The following LRMDA variants were observed in gnomAD, a reference collection of about 807,000 sequenced individuals.
The protein encoded by LRMDA is leucine-rich melanocyte differentiation-associated protein.
Under a neutral mutation model 29.8 loss-of-function variants are expected in LRMDA, and 18 were observed. That is an observed-to-expected ratio of 0.60 (90% confidence interval 0.42 to 0.90). The LOEUF is 0.90. LRMDA is among the 40% of genes least tolerant of loss of function. LRMDA has a pLI of 0.00. For synonymous variants in LRMDA, 125 were observed against 109.4 expected (o/e 1.14, Z -0.89); for missense variants, 273 against 273.9 (o/e 1.00, Z 0.02).
At chr10:75,535,320 C>G (rs1330301136) in intron 2 of LRMDA, among the ~76,000 whole-genome samples, 1 of 152,098 alleles carries the variant, frequency 6.6e-6, no homozygotes, top group Non-Finnish European at 1.5e-5. Context: ...TTCTAATTTC[C>G]TCCCTAGAAT....
At chr10:76,395,824 G>C (rs1020143408) in intron 6 of LRMDA, among the ~76,000 whole-genome samples, 1 of 152,194 alleles carries the variant, frequency 6.6e-6, no homozygotes, top group Non-Finnish European at 1.5e-5. Flanking sequence ...AGAAATAATT[G>C]TATTTCTAAA....
chr10:76,369,191 T>C (rs1232809716), intron 6 of LRMDA, among the ~76,000 whole-genome samples: 1 of 152,194 alleles, frequency 6.6e-6, no homozygotes, highest in Non-Finnish European at 1.5e-5. Flanking sequence ...TTTTAACTTG[T>C]ATTTTTGTTT....
chr10:75,675,228 T>C (rs1302110077), intron 2 of LRMDA, among the ~76,000 whole-genome samples: 1 of 152,212 alleles, frequency 6.6e-6, no homozygotes, highest in Non-Finnish European at 1.5e-5. Context: ...TACTCAACAC[T>C]GGGAGTGGTA....
At chr10:75,821,573 T>G (rs761248911) in intron 2 of LRMDA, among the ~76,000 whole-genome samples, 2 of 151,998 alleles carry the variant, frequency 1.3e-5, no homozygotes, top group Non-Finnish European at 2.9e-5. Flanking sequence ...ATTGAGACCA[T>G]CCTGGCTAAC....
intron 2 of LRMDA, among the ~76,000 whole-genome samples, chr10:75,570,702 C>A (rs1840427913): frequency 6.6e-6 from 1 of 152,184 alleles, no homozygotes; most frequent in South Asian, 2.1e-4. Flanking sequence ...AATGTATACG[C>A]TCTTTTTCCC....
intron 5 of LRMDA, among the ~76,000 whole-genome samples, chr10:76,216,956 T>A (rs1851739467): frequency 6.6e-6 from 1 of 152,208 alleles, no homozygotes; most frequent in Admixed American, 6.5e-5. Flanking sequence ...AAGTGGCATA[T>A]GACAATATTG....
At chr10:76,427,122 T>C (rs1842135983) in intron 6 of LRMDA, among the ~76,000 whole-genome samples, 2 of 152,158 alleles carry the variant, frequency 1.3e-5, no homozygotes, top group Admixed American at 1.3e-4. Flanking sequence ...TTAAAGTAGT[T>C]TTTTCCAATT....
chr10:76,071,941 A>G (rs931599852), intron 5 of LRMDA, among the ~76,000 whole-genome samples: 4 of 152,250 alleles, frequency 2.6e-5, no homozygotes, highest in African/African-American at 7.2e-5. Context: ...TTAAGTTTTA[A>G]ATATGATATG....
At chr10:76,514,661 G>A (rs1461441124) in intron 6 of LRMDA, among the ~76,000 whole-genome samples, 1 of 152,122 alleles carries the variant, frequency 6.6e-6, no homozygotes, top group African/African-American at 2.4e-5. Flanking sequence ...GCCAAGCGAG[G>A]GAGCACACTG....
intron 6 of LRMDA, among the ~76,000 whole-genome samples, chr10:76,447,222 T>C (rs1422973482): frequency 6.6e-6 from 1 of 152,142 alleles, no homozygotes; most frequent in Non-Finnish European, 1.5e-5. Context: ...AGTTTCTATA[T>C]TGATTATTTT....
intron 2 of LRMDA, among the ~76,000 whole-genome samples, chr10:76,003,005 C>T (rs565623359): frequency 3.3e-5 from 5 of 152,230 alleles, no homozygotes; most frequent in African/African-American, 7.2e-5. Flanking sequence ...AAAACACAAA[C>T]GGAAATGATG....
At chr10:75,703,489 T>C (rs983618216) in intron 2 of LRMDA, among the ~76,000 whole-genome samples, 18 of 152,348 alleles carry the variant, frequency 1.2e-4, no homozygotes, top group African/African-American at 4.3e-4. Context: ...GTGAGGAGGT[T>C]AAAATGAGAA....
chr10:75,885,293 C>T (rs1350309150), intron 2 of LRMDA, among the ~76,000 whole-genome samples: 1 of 152,234 alleles, frequency 6.6e-6, no homozygotes, highest in Non-Finnish European at 1.5e-5. Flanking sequence ...AGGCCCCCTT[C>T]CTGAATGTGC....
At chr10:76,113,282 C>T (rs1332405283) in intron 5 of LRMDA, among the ~76,000 whole-genome samples, 2 of 151,944 alleles carry the variant, frequency 1.3e-5, no homozygotes, top group African/African-American at 4.8e-5. Context: ...TGGGTCTTCT[C>T]TGTTATTAGA....
At chr10:76,047,519 C>G (rs1359998605) in intron 4 of LRMDA, among the ~76,000 whole-genome samples, 1 of 152,154 alleles carries the variant, frequency 6.6e-6, no homozygotes, top group Non-Finnish European at 1.5e-5. Context: ...GCCTTTTCTA[C>G]TTTTTTTGTG....
intron 2 of LRMDA, among the ~76,000 whole-genome samples, chr10:75,543,110 A>G (rs1366901278): frequency 2.6e-5 from 4 of 152,166 alleles, no homozygotes; most frequent in Non-Finnish European, 5.9e-5. Flanking sequence ...CTTCCCTGGT[A>G]ATTGCAAGCA....
At chr10:75,483,338 A>G (rs1299333183) in intron 2 of LRMDA, among the ~76,000 whole-genome samples, 3 of 152,246 alleles carry the variant, frequency 2.0e-5, no homozygotes, top group African/African-American at 7.2e-5. Flanking sequence ...TCTACATTAG[A>G]AACAGAGATC....
intron 5 of LRMDA, among the ~76,000 whole-genome samples, chr10:76,235,613 TCTC>T (rs1260180515): frequency 8.5e-5 from 13 of 152,198 alleles, no homozygotes; most frequent in African/African-American, 3.1e-4. Flanking sequence ...TCACCTCTAT[TCTC>T]CTCTCTTGTG....
intron 6 of LRMDA, among the ~76,000 whole-genome samples, chr10:76,417,399 A>G (rs1025256830): frequency 6.6e-6 from 1 of 152,124 alleles, no homozygotes; most frequent in African/African-American, 2.4e-5. Flanking sequence ...AAAGTGAACT[A>G]TGACGTATCT....
Sources: gnomAD v4.1 joint callset for allele counts (sites outside exome capture counted in the v4.1 genomes callset) on GRCh38, gnomAD v4.1.1 for gene constraint, MANE v1.5 for transcripts, NCBI Gene and HGNC (gene_info 2026-07-23, HGNC 2026-07-21) for gene names.